The following PEG3 variants were observed in gnomAD, a reference collection of about 807,000 sequenced individuals.
The protein encoded by PEG3 is paternally expressed 3.
A neutral mutation model predicts 35.5 loss-of-function variants in PEG3; 23 were observed. That is an observed-to-expected ratio of 0.65 (90% confidence interval 0.47 to 0.92). The LOEUF is 0.92. Among genes scored for constraint, PEG3 ranks in the 40% least tolerant of loss-of-function variants. PEG3 has a pLI of 0.00. For missense variants in PEG3, 1,960 were observed against 1,985.3 expected (o/e 0.99, Z 0.24); for synonymous variants, 707 against 697.0 (o/e 1.01, Z -0.23).
chr19:56,825,540 C>T (rs966920204), intron 3 of PEG3, among the ~76,000 whole-genome samples: 1 of 148,564 alleles, frequency 6.7e-6, no homozygotes, highest in African/African-American at 2.4e-5. Context: ...TGAGATTGGA[C>T]ATAAATGTAA....
intron 1 of PEG3, among the ~76,000 whole-genome samples, chr19:56,839,501 CA>C: frequency 1.3e-5 from 2 of 151,438 alleles, no homozygotes; most frequent in East Asian, 3.9e-4. Context: ...ACCAACCAAC[CA>C]GGGGAGCACC....
rs767853113 is a variant in PEG3, at chr19:56,817,243, C to T, written c.1199G>A (p.Gly400Glu). ...RKRRYHFDTD[G>E]KGSIHDQKGC... ...TTTTTGATCGTGAATCGAGCCCTTC[C>T]CATCTGTGTCAAAATGATAGCGCCT... The change falls in exon 10 of 10, where the codon GGG becomes GAG. Residue 400 changes from glycine to glutamate, a missense_variant. Gly to Glu is a moderately conservative substitution (Grantham distance 98). This residue lies in a region of PEG3 where 613 missense variants were observed against 577.1 expected (regional missense o/e 1.06). Transcript: ENST00000326441. The T allele has an allele frequency of 1.2e-6, 2 of 1,614,056 alleles. No individual in the cohort carries two copies. Among genetic ancestry groups the T allele is most frequent in the Non-Finnish European group, 1.7e-6 (2 of 1,179,968 alleles).
intron 1 of PEG3, among the ~76,000 whole-genome samples, chr19:56,836,305 T>TAGA (rs1299830683): frequency 6.6e-6 from 1 of 152,156 alleles, no homozygotes. Context: ...GATGTACTCA[T>TAGA]AGACTTTCTC....
Position 56,815,330 on chromosome 19 carries a change from G to T in PEG3, c.3112C>A (p.Gln1038Lys). Residue 1038 changes from glutamine (Q) to lysine (K), a missense_variant, in exon 10 of 10, where the codon CAA becomes AAA. Coordinates refer to ENST00000326441, the MANE Select transcript of PEG3 (RefSeq NM_006210.3). ...QARNKCKDFR[Q>K]FFATSEDLNT... ...AGGTCTTCGCTGGTAGCAAAAAATT[G>T]TCTGAAGTCCTTACATTTGTTCCGC... is the stretch of plus-strand genomic sequence containing the variant. 1 of 1,614,210 alleles carries T rather than the reference G, an allele frequency of 6.2e-7. No homozygotes were observed. The highest frequency in any genetic ancestry group is 1.1e-5 in the South Asian group (1 of 91,080).
Position 56,824,313 on chromosome 19 carries a change from C to T in PEG3, c.343G>A (p.Glu115Lys), listed in dbSNP as rs2060807614. 6.2e-7 allele frequency: 1 copy of T among 1,613,986 alleles called. No homozygotes were observed. The highest frequency in any genetic ancestry group is 8.5e-7 in the Non-Finnish European group (1 of 1,180,034). ...TTCTCCAGCAGAGTGACGAGCTTCTCACAGTTCTCCGGCTTTTTTGCTCGC... is the reference window on the plus strand; with the variant it reads ...TTCTCCAGCAGAGTGACGAGCTTCTTACAGTTCTCCGGCTTTTTTGCTCGC... ...WVRAKKPENC[E>K]KLVTLLENYK... The change falls in exon 4 of 10, where the codon GAG becomes AAG. Residue 115 changes from glutamate to lysine, a missense_variant. Transcript: ENST00000326441.
At chr19:56,821,618 G>A in intron 7 of PEG3, 33 bp downstream of exon 7, 1 of 1,608,378 alleles carries the variant, frequency 6.2e-7, no homozygotes, top group Non-Finnish European at 8.5e-7. Context: ...AATGAAGATG[G>A]CCTTTCTAGA....
At chr19:56,834,924 C>T (rs1253652554) in intron 2 of PEG3, among the ~76,000 whole-genome samples, 1 of 152,084 alleles carries the variant, frequency 6.6e-6, no homozygotes, top group Non-Finnish European at 1.5e-5. Flanking sequence ...TGGATCAGGC[C>T]CAGTATCAAT....
rs753853974 is a variant in PEG3, at chr19:56,816,913, C to A, written c.1529G>T (p.Cys510Phe). The change falls in exon 10 of 10, where the codon TGT (cysteine) becomes TTT (phenylalanine). Residue 510 changes from cysteine to phenylalanine, a missense_variant. Cys to Phe is a radical substitution (Grantham distance 205). Around this residue, in one of 5 missense-constraint regions of PEG3, gnomAD observed 798 missense variants for 782.4 expected, o/e 1.02. Transcript: ENST00000326441. The stretch of plus-strand genomic sequence containing the variant: ...GGCACTCTTATTGAAGGTCTCTCCA[C>A]AGTCCTTACATTCAAAACGTTTCCC... ...VGGKRFECKD[C>F]GETFNKSAAL... 4 of 1,614,208 alleles carry A rather than the reference C, an allele frequency of 2.5e-6. No homozygotes were observed. In the Admixed American group the frequency reaches 6.7e-5, roughly 27 times the overall value.
chr19:56,834,175 G>A (rs1185966949), intron 2 of PEG3, among the ~76,000 whole-genome samples: 3 of 152,004 alleles, frequency 2.0e-5, no homozygotes, highest in East Asian at 1.9e-4. Context: ...TTAAGGGGAG[G>A]GAGTACTAAA....
rs1054666025 is a variant in PEG3 at position 56,810,185 on chromosome 19, T to C, written c.*3490A>G. ...GTGCACAGAAACAAGATGAAGAAAA[T>C]ATATCAAGATGTTAACCACACTCTT... On this transcript the variant is annotated 3_prime_UTR_variant, in exon 10 of 10. Transcript: ENST00000326441. 152 of 979,606 alleles carry C rather than the reference T, an allele frequency of 1.6e-4. No individual in the cohort carries two copies. The highest frequency in any genetic ancestry group is 1.8e-4 in the Non-Finnish European group (149 of 824,946). The allele number at this position is 979,606 out of a possible 1,614,324, so 60.7% of individuals were successfully genotyped here.
chr19:56,813,138 A>G lies in PEG3; in HGVS notation c.*537T>C. The G allele has an allele frequency of 1.0e-6, 1 of 983,108 alleles. No individual in the cohort carries two copies. Among genetic ancestry groups the G allele is most frequent in the Non-Finnish European group, 1.2e-6 (1 of 827,780 alleles). 60.9% of individuals were successfully genotyped at this position (983,108 alleles called of 1,614,324 possible). On this transcript the variant is annotated 3_prime_UTR_variant, in exon 10 of 10. Coordinates refer to ENST00000326441, the MANE Select transcript of PEG3 (RefSeq NM_006210.3). Reference sequence around the variant, plus strand: ...TGACAGGGTTCAAATAATGCACAATAAATCTTTCTCAGGATCTAAGACACT... The same window carrying G: ...TGACAGGGTTCAAATAATGCACAATGAATCTTTCTCAGGATCTAAGACACT...
At chr19:56,839,123 C>T (rs1444557174) in intron 1 of PEG3, among the ~76,000 whole-genome samples, 2 of 151,746 alleles carry the variant, frequency 1.3e-5, no homozygotes, top group East Asian at 1.9e-4. Flanking sequence ...CAAGCACTTT[C>T]ATTAAAGATG....
chr19:56,826,212 G>C (rs972771729), intron 3 of PEG3, among the ~76,000 whole-genome samples, 176 bp downstream of exon 3: 4 of 152,150 alleles, frequency 2.6e-5, no homozygotes, highest in African/African-American at 9.7e-5. Context: ...TTTCAGACAT[G>C]GTCACTCTAA....
Position 56,814,790 on chromosome 19 carries a change from G to A in PEG3, c.3652C>T (p.Pro1218Ser). 4.3e-6 allele frequency: 7 copies of A among 1,614,158 alleles called. No individual in the cohort carries two copies. Among genetic ancestry groups the A allele is most frequent in the Non-Finnish European group, 5.9e-6 (7 of 1,180,036 alleles). Residue 1218 changes from proline to serine, a missense_variant, in exon 10 of 10, where the codon CCT (proline) becomes TCT (serine). Physicochemically the swap from Pro to Ser is moderately conservative, Grantham distance 74. Transcript: ENST00000326441. The surrounding 1 kb of genome is among the most constrained non-coding windows in gnomAD (Gnocchi z 5.8). The stretch of plus-strand genomic sequence containing the variant: ...CGAATGGCCGACCCAGCAAGAGCAG[G>A]ATTCCTCTCTGCAGCACGATTCCTC... ...PRRNRAAERN[P>S]ALAGSAIRCL...
In PEG3 at chr19:56,813,660, CT is replaced by C; in HGVS notation, c.*14del. ...AAGTCCTAGGTGAAGGTTTTCTAAC[CT>C]TTACCCCATGCCCTCAGCCAGTGTG... On this transcript the variant is annotated 3_prime_UTR_variant, in exon 10 of 10. Transcript: ENST00000326441. 1 of 1,605,646 alleles carries C rather than the reference CT, an allele frequency of 6.2e-7. No individual in the cohort carries two copies. Among genetic ancestry groups the C allele is most frequent in the Non-Finnish European group, 8.5e-7 (1 of 1,174,282 alleles).
Position 56,812,228 on chromosome 19 carries a change from T to C in PEG3, c.*1447A>G, listed in dbSNP as rs1600857588. 1.0e-6 allele frequency: 1 copy of C among 981,650 alleles called. No individual in the cohort carries two copies. Among genetic ancestry groups the C allele is most frequent in the East Asian group, 1.1e-4 (1 of 8,786 alleles). 60.8% of individuals were successfully genotyped at this position (981,650 alleles called of 1,614,324 possible). On this transcript the variant is annotated 3_prime_UTR_variant, in exon 10 of 10. Transcript: ENST00000326441. ...AGGGGAAGCAAAGGAGCACAGGTAG[T>C]CCACAGAATAGGACACAAGAAACCT... is the stretch of plus-strand genomic sequence containing the variant.
At chr19:56,818,205 C>A (rs1410172628) in intron 8 of PEG3, among the ~76,000 whole-genome samples, 1 of 152,182 alleles carries the variant, frequency 6.6e-6, no homozygotes, top group African/African-American at 2.4e-5. Context: ...GGCCCCATGG[C>A]CTTACAGACC....
intron 1 of PEG3, among the ~76,000 whole-genome samples, chr19:56,838,121 G>A (rs1443406210): frequency 6.6e-6 from 1 of 152,184 alleles, no homozygotes; most frequent in Non-Finnish European, 1.5e-5. Context: ...GAGTGGGCGG[G>A]GCCATGCAGA....
chr19:56,814,238 C>G lies in PEG3; in HGVS notation c.4204G>C (p.Ala1402Pro). Residue 1402 changes from alanine to proline, a missense_variant, in exon 10 of 10, where the codon GCC (alanine) becomes CCC (proline). By Grantham distance (27) the Ala-to-Pro change is conservative. Transcript: ENST00000326441. This position sits in a 1 kb window ranked among gnomAD's most constrained non-coding sequence, Gnocchi z 5.8. ...VEAAEPEVEA[A>P]EPEVEAAEPE... Reference sequence around the variant, plus strand: ...TCAGCAGCCTCCACTTCTGGCTCGGCAGCCTCCACTTCTGGCTCAGCAGCC... The same window carrying G: ...TCAGCAGCCTCCACTTCTGGCTCGGGAGCCTCCACTTCTGGCTCAGCAGCC... 1 of 1,613,368 alleles carries G rather than the reference C, an allele frequency of 6.2e-7. No individual in the cohort carries two copies. The highest frequency in any genetic ancestry group is 1.3e-5 in the African/African-American group (1 of 75,030).
Sources: gnomAD v4.1 joint callset for allele counts (sites outside exome capture counted in the v4.1 genomes callset) on GRCh38, gnomAD v4.1.1 for gene constraint, gnomAD v4.1.1 regional missense constraint, Gnocchi (gnomAD v3.1) non-coding constraint, MANE v1.5 for transcripts, NCBI Gene and HGNC (gene_info 2026-07-23, HGNC 2026-07-21) for gene names.